Variants in ANXA3 observed in about 807,000 individuals in gnomAD.
The protein encoded by ANXA3 is 35-alpha calcimedin.
A neutral mutation model predicts 48.8 loss-of-function variants in ANXA3; 46 were observed. The observed-to-expected ratio is 0.94, with a 90% confidence interval of 0.74 to 1.21. The LOEUF is 1.21. Among genes scored for constraint, ANXA3 ranks in the 50% most tolerant of loss-of-function variants. The pLI is 0.00. For missense variants in ANXA3, 383 were observed against 378.6 expected (o/e 1.01, Z -0.10); for synonymous variants, 128 against 134.7 (o/e 0.95, Z 0.35).
chr4:78,583,263 GC>G (rs1723110107), intron 5 of ANXA3, among the ~76,000 whole-genome samples: 1 of 152,074 alleles, frequency 6.6e-6, no homozygotes, highest in African/African-American at 2.4e-5. Flanking sequence ...GATCACCTGA[GC>G]CCAGAAGGTC....
chr4:78,577,568 T>C (rs571509208), intron 3 of ANXA3, among the ~76,000 whole-genome samples: 1 of 152,286 alleles, frequency 6.6e-6, no homozygotes, highest in Admixed American at 6.5e-5. Flanking sequence ...TGTGTAAGAA[T>C]ACAAAACCAA....
At chr4:78,578,935 C>G (rs1345809570) in intron 3 of ANXA3, 92 bp from the exon 4 acceptor site, 1 of 579,938 alleles carries the variant, frequency 1.7e-6, no homozygotes, top group East Asian at 3.0e-5. Context: ...GCCTTACTCT[C>G]TGCATTTGTC....
intron 3 of ANXA3, among the ~76,000 whole-genome samples, chr4:78,578,643 G>A (rs1298348049): frequency 6.6e-6 from 1 of 152,068 alleles, no homozygotes; most frequent in African/African-American, 2.4e-5. Flanking sequence ...CTGTTTTCCA[G>A]AGGAAGAAAT....
intron 2 of ANXA3, among the ~76,000 whole-genome samples, chr4:78,565,111 A>G (rs562179952): frequency 6.7e-6 from 1 of 150,276 alleles, no homozygotes; most frequent in South Asian, 2.1e-4. Flanking sequence ...CTCCTGCCCC[A>G]GCCTCCTGAG....
At chr4:78,560,757 C>T (rs1384680414) in intron 2 of ANXA3, among the ~76,000 whole-genome samples, 2 of 152,142 alleles carry the variant, frequency 1.3e-5, no homozygotes, top group African/African-American at 4.8e-5. Flanking sequence ...TAAGGGTCTA[C>T]CATGAGTCAC....
chr4:78,563,777 A>G (rs1722673710), intron 2 of ANXA3, among the ~76,000 whole-genome samples: 1 of 152,198 alleles, frequency 6.6e-6, no homozygotes, highest in Admixed American at 6.5e-5. Flanking sequence ...TCTGCACTTC[A>G]GTGAGCCAAA....
In ANXA3 at chr4:78,604,292, G is replaced by A. The variant is rs1216433591; in HGVS notation, c.805G>A (p.Glu269Lys). ...HRALKGIGTD[E>K]FTLNRIMVSR... The stretch of plus-strand genomic sequence containing the variant: ...TCCTTAACAGGGTATTGGAACTGAT[G>A]AGTTTACTCTGAACCGAATAATGGT... The change falls in exon 12 of 13, where the codon GAG (glutamate) becomes AAG (lysine). Residue 269 changes from glutamate to lysine, a missense_variant. Transcript: ENST00000264908. The A allele has an allele frequency of 6.2e-7, 1 of 1,611,430 alleles. No homozygotes were observed. Among genetic ancestry groups the A allele is most frequent in the Non-Finnish European group, 8.5e-7 (1 of 1,178,364 alleles).
chr4:78,600,562 A>C (rs1363220807), intron 10 of ANXA3, among the ~76,000 whole-genome samples: 1 of 152,204 alleles, frequency 6.6e-6, no homozygotes, highest in Non-Finnish European at 1.5e-5. Flanking sequence ...TAACAGTTTG[A>C]TTCTAAATGC....
rs960627259 is a variant in ANXA3 at position 78,590,020 on chromosome 4, T to G, written c.404-1524T>G. Among the ~76,000 whole-genome samples the G allele has an allele frequency of 2.0e-5, 3 of 152,210 alleles. No homozygotes were observed. The East Asian group carries it at 5.8e-4, about 29-fold the overall frequency. The stretch of plus-strand genomic sequence containing the variant: ...TGTGCCTCAAAATGGATAAAGTAGT[T>G]GTCAACTTAGGTTGAAATAATTTTT... On this transcript the variant is annotated intron_variant, in intron 6 of 12. Coordinates refer to ENST00000264908, the MANE Select transcript of ANXA3 (RefSeq NM_005139.3).
chr4:78,575,175 A>G (rs1227894691), intron 3 of ANXA3, among the ~76,000 whole-genome samples: 1 of 152,206 alleles, frequency 6.6e-6, no homozygotes, highest in Non-Finnish European at 1.5e-5. Context: ...TCAATAAAAT[A>G]TAAAATATAT....
intron 2 of ANXA3, among the ~76,000 whole-genome samples, chr4:78,556,389 A>G (rs538332217): frequency 6.6e-6 from 1 of 152,346 alleles, no homozygotes; most frequent in African/African-American, 2.4e-5. Flanking sequence ...AAAAGAAAGA[A>G]CAAAGAAAAT....
At chr4:78,590,165 A>G (rs1723259356) in intron 6 of ANXA3, among the ~76,000 whole-genome samples, 1 of 152,204 alleles carries the variant, frequency 6.6e-6, no homozygotes, top group South Asian at 2.1e-4. Context: ...AAGAAATGGG[A>G]TATTCATTCT....
chr4:78,591,493 A>C, intron 6 of ANXA3, 51 bp from the exon 7 acceptor site: 1 of 1,261,486 alleles, frequency 7.9e-7, no homozygotes. Context: ...CTGTTTTATA[A>C]TCATATTTTT....
chr4:78,577,042 G>A (rs1490350849), intron 3 of ANXA3, among the ~76,000 whole-genome samples: 1 of 152,056 alleles, frequency 6.6e-6, no homozygotes, highest in Non-Finnish European at 1.5e-5. Context: ...ATGAGCTAAG[G>A]GGCTTAAACT....
At chr4:78,573,064 A>C in intron 2 of ANXA3, 116 bp from the exon 3 acceptor site, 1 of 808,112 alleles carries the variant, frequency 1.2e-6, no homozygotes, top group Non-Finnish European at 2.2e-6. Flanking sequence ...AGTGGTAGGA[A>C]GGTGTGCGAA....
intron 2 of ANXA3, chr4:78,571,088 T>G (rs1472161248): frequency 1.3e-5 from 2 of 152,186 alleles, no homozygotes; most frequent in Non-Finnish European, 2.9e-5. Context: ...CACAGCTCAC[T>G]GCAGCCTTGA....
At chr4:78,594,985 T>A (rs1723385754) in intron 7 of ANXA3, among the ~76,000 whole-genome samples, 1 of 152,074 alleles carries the variant, frequency 6.6e-6, no homozygotes, top group African/African-American at 2.4e-5. Context: ...AATTTTTAAA[T>A]TAGCTGTGTG....
At position 78,604,380 on chromosome 4, in the gene ANXA3, C is replaced by G; in HGVS notation, c.893C>G (p.Ser298Cys). The G allele has an allele frequency of 6.2e-7, 1 of 1,611,604 alleles. No individual in the cohort carries two copies. Among genetic ancestry groups the G allele is most frequent in the East Asian group, 2.2e-5 (1 of 44,754 alleles). The change falls in exon 12 of 13, where the codon TCC becomes TGC. Residue 298 changes from serine (S) to cysteine (C), a missense_variant. Physicochemically the swap from Ser to Cys is moderately radical, Grantham distance 112. Coordinates refer to ENST00000264908, the MANE Select transcript of ANXA3 (RefSeq NM_005139.3). ...RTEFKKHYGY[S>C]LYSAIKSDTS... ...GAGTTCAAGAAGCATTATGGCTATT[C>G]CCTATATTCAGCAATTAAAGTAAGT...
intron 2 of ANXA3, among the ~76,000 whole-genome samples, chr4:78,561,044 G>A (rs1341329328): frequency 1.3e-5 from 2 of 152,146 alleles, no homozygotes; most frequent in Non-Finnish European, 2.9e-5. Flanking sequence ...GGGAAAAATA[G>A]GAAAATGAAT....
Sources: gnomAD v4.1 joint callset for allele counts (sites outside exome capture counted in the v4.1 genomes callset) on GRCh38, gnomAD v4.1.1 for gene constraint, MANE v1.5 for transcripts, NCBI Gene and HGNC (gene_info 2026-07-23, HGNC 2026-07-21) for gene names.